MYMX: variants seen among roughly 807,000 people sequenced by gnomAD.
MYMX encodes protein myomixer.
the MYMX span, among the ~76,000 whole-genome samples, chr6:44,207,386 G>A: frequency 2.6e-5 from 4 of 152,054 alleles, no homozygotes; most frequent in East Asian, 5.8e-4. Flanking sequence ...TGATCCACCC[G>A]CCTTGGCCTC....
chr6:44,217,099 A>G, intron 1 of MYMX, 131 bp downstream of exon 1: 1 of 209,938 alleles, frequency 4.8e-6, no homozygotes, highest in Non-Finnish European at 9.4e-6. Flanking sequence ...ACTGAGGGAG[A>G]AGGGTTAGGG....
chr6:44,205,451 G>C, the MYMX span, among the ~76,000 whole-genome samples: 2 of 152,074 alleles, frequency 1.3e-5, no homozygotes, highest in Admixed American at 6.6e-5. Flanking sequence ...TTGAACCTAA[G>C]AGTTTGAGAC....
the MYMX span, among the ~76,000 whole-genome samples, chr6:44,205,268 A>AC: frequency 6.6e-6 from 1 of 151,928 alleles, no homozygotes; most frequent in Non-Finnish European, 1.5e-5. Context: ...CTTGCGGGCA[A>AC]CCCCCCAGGG....
the MYMX span, among the ~76,000 whole-genome samples, chr6:44,201,310 C>T: frequency 4.2e-4 from 64 of 152,308 alleles, 3 homozygotes; most frequent in South Asian, 0.012. Context: ...TCCGCCCATT[C>T]CCCACCCACA....
the MYMX span, among the ~76,000 whole-genome samples, chr6:44,194,081 AT>A: frequency 1.3e-5 from 2 of 152,184 alleles, no homozygotes; most frequent in African/African-American, 4.8e-5. Context: ...AAAAAGAACT[AT>A]TCCAATATTT....
the MYMX span, among the ~76,000 whole-genome samples, chr6:44,194,563 C>G: frequency 3.9e-5 from 6 of 152,198 alleles, no homozygotes; most frequent in Admixed American, 2.6e-4. Flanking sequence ...AGCAGGATCC[C>G]TCATCCCTGG....
chr6:44,205,995 AAAC>A, the MYMX span, among the ~76,000 whole-genome samples: 39 of 146,274 alleles, frequency 2.7e-4, 12 homozygotes, highest in Middle Eastern at 6.5e-3. Flanking sequence ...AAAAAAAACA[AAAC>A]AAAAAAAAAC....
upstream of MYMX, among the ~76,000 whole-genome samples, chr6:44,214,486 G>A (rs1177364841): frequency 6.6e-6 from 1 of 152,210 alleles, no homozygotes; most frequent in Non-Finnish European, 1.5e-5. Context: ...GAGGCTTTAG[G>A]TGAGTTGCTT....
upstream of MYMX, among the ~76,000 whole-genome samples, chr6:44,215,278 A>G (rs1439636897): frequency 6.6e-6 from 1 of 152,260 alleles, no homozygotes; most frequent in East Asian, 1.9e-4. Flanking sequence ...TGAAGTATTT[A>G]TAAAACCAAA....
chr6:44,212,407 A>AAAATAAATAAATAAAT (rs35574545), upstream of MYMX, among the ~76,000 whole-genome samples: 21 of 146,448 alleles, frequency 1.4e-4, no homozygotes, highest in Middle Eastern at 3.4e-3. Flanking sequence ...CCTGTCTCAA[A>AAAATAAATAAATAAAT]AAATAAATAA....
upstream of MYMX, among the ~76,000 whole-genome samples, chr6:44,213,115 G>A (rs181941336): frequency 1.5e-4 from 23 of 152,284 alleles, no homozygotes; most frequent in East Asian, 2.9e-3. Flanking sequence ...GCTGTGCGCC[G>A]TGGCTCACGC....
chr6:44,215,752 G>C (rs922579369), upstream of MYMX, among the ~76,000 whole-genome samples: 1 of 151,746 alleles, frequency 6.6e-6, no homozygotes, highest in African/African-American at 2.4e-5. Flanking sequence ...AAAATTAGCC[G>C]GGCATCGTGG....
chr6:44,207,696 C>T, the MYMX span, among the ~76,000 whole-genome samples: 3 of 152,208 alleles, frequency 2.0e-5, no homozygotes, highest in Admixed American at 6.5e-5. Flanking sequence ...CCACGCCCAG[C>T]TAATTTTGTA....
At chr6:44,192,894 G>C in the MYMX span, among the ~76,000 whole-genome samples, 2 of 152,150 alleles carry the variant, frequency 1.3e-5, no homozygotes, top group Admixed American at 1.3e-4. Context: ...TGTACTTCGA[G>C]AGCCTGCACA....
the MYMX span, among the ~76,000 whole-genome samples, chr6:44,198,051 G>T: frequency 6.6e-6 from 1 of 151,428 alleles, no homozygotes; most frequent in African/African-American, 2.4e-5. Flanking sequence ...GGTGGCTCAT[G>T]CATAGGAGTT....
At chr6:44,194,366 C>A in the MYMX span, among the ~76,000 whole-genome samples, 1 of 152,122 alleles carries the variant, frequency 6.6e-6, no homozygotes, top group African/African-American at 2.4e-5. Context: ...CAGGGGCATC[C>A]ACTGGATTTT....
At chr6:44,201,271 G>A in the MYMX span, among the ~76,000 whole-genome samples, 1 of 152,140 alleles carries the variant, frequency 6.6e-6, no homozygotes, top group Admixed American at 6.5e-5. Context: ...ATTATGACAG[G>A]GCTGAGCTCC....
At chr6:44,210,441 G>C in the MYMX span, among the ~76,000 whole-genome samples, 1 of 151,958 alleles carries the variant, frequency 6.6e-6, no homozygotes, top group Non-Finnish European at 1.5e-5. Context: ...CACCACTCCT[G>C]GCTGATGGTT....
chr6:44,207,472 A>G, the MYMX span, among the ~76,000 whole-genome samples: 2 of 151,064 alleles, frequency 1.3e-5, no homozygotes, highest in Admixed American at 6.6e-5. Flanking sequence ...CTGGGACTGA[A>G]CTTTTTGGAT....
Sources: gnomAD v4.1 joint callset for allele counts (sites outside exome capture counted in the v4.1 genomes callset) on GRCh38, gnomAD v4.1.1 for gene constraint, MANE v1.5 for transcripts, NCBI Gene and HGNC (gene_info 2026-07-23, HGNC 2026-07-21) for gene names.